Variants in MAML3 observed in about 807,000 individuals in gnomAD.
MAML3 encodes mastermind like transcriptional coactivator 3, also known as mastermind-like protein 3.
MAML3 carries 27 observed loss-of-function variants against 101.9 expected under a neutral mutation model. The ratio of observed to expected loss-of-function variants is 0.27; its 90% confidence interval spans 0.20 to 0.37. The LOEUF is 0.37. Among genes scored for constraint, MAML3 ranks in the 10% least tolerant of loss-of-function variants. The pLI is 1.00. For synonymous variants in MAML3, 501 were observed against 555.9 expected, an observed-to-expected ratio of 0.90 and a Z score of 1.39; for missense variants, 1,316 against 1,444.9, an observed-to-expected ratio of 0.91 and a Z score of 1.45.
chr4:140,131,966 T>C (rs1728801653), intron 1 of MAML3, among the ~76,000 whole-genome samples: 1 of 152,208 alleles, frequency 6.6e-6, no homozygotes, highest in Non-Finnish European at 1.5e-5. Context: ...TCCATATGCT[T>C]CTCCTAATAA....
At chr4:140,105,841 G>A (rs1436963712) in intron 1 of MAML3, among the ~76,000 whole-genome samples, 1 of 151,934 alleles carries the variant, frequency 6.6e-6, no homozygotes, top group Non-Finnish European at 1.5e-5. Context: ...ATCCTGGTGT[G>A]CAAATCACCT....
intron 2 of MAML3, among the ~76,000 whole-genome samples, chr4:139,878,481 C>T (rs1732156908): frequency 6.6e-6 from 1 of 152,142 alleles, no homozygotes; most frequent in Non-Finnish European, 1.5e-5. Context: ...TGAATATACA[C>T]AGGGAGGATA....
intron 1 of MAML3, among the ~76,000 whole-genome samples, chr4:140,031,308 G>A (rs1726903911): frequency 6.6e-6 from 1 of 152,066 alleles, no homozygotes; most frequent in Non-Finnish European, 1.5e-5. Flanking sequence ...TGGACCTTCG[G>A]CTCTCCTCCG....
chr4:139,962,356 C>G (rs971100892), intron 1 of MAML3, among the ~76,000 whole-genome samples: 13 of 152,092 alleles, frequency 8.5e-5, no homozygotes, highest in Non-Finnish European at 1.9e-4. Context: ...ATATTTGGTG[C>G]CTGCTGATAT....
At chr4:139,738,891 A>G (rs1227692998) in intron 2 of MAML3, among the ~76,000 whole-genome samples, 2 of 152,236 alleles carry the variant, frequency 1.3e-5, no homozygotes, top group Non-Finnish European at 2.9e-5. Context: ...TGGTATATAC[A>G]CAATTACACA....
intron 1 of MAML3, among the ~76,000 whole-genome samples, chr4:139,906,107 T>C (rs185629532): frequency 1.3e-5 from 2 of 152,318 alleles, no homozygotes; most frequent in East Asian, 3.9e-4. Flanking sequence ...CTCCTATTTT[T>C]ATTAATGTAT....
intron 1 of MAML3, among the ~76,000 whole-genome samples, chr4:140,108,340 C>T (rs1487328663): frequency 6.6e-6 from 1 of 151,844 alleles, no homozygotes; most frequent in African/African-American, 2.4e-5. Flanking sequence ...TCTATTATGG[C>T]ACTTAAGCTG....
chr4:139,804,167 T>C (rs770107306), intron 2 of MAML3, among the ~76,000 whole-genome samples: 12 of 152,136 alleles, frequency 7.9e-5, no homozygotes, highest in Admixed American at 2.6e-4. Flanking sequence ...CAGCTCTTTT[T>C]AGGGTCTTAA....
At chr4:139,894,192 G>A (rs1732559149) in intron 1 of MAML3, among the ~76,000 whole-genome samples, 1 of 152,136 alleles carries the variant, frequency 6.6e-6, no homozygotes, top group South Asian at 2.1e-4. Context: ...ACTGCTAGGT[G>A]CTTTTTCATA....
At chr4:139,960,652 C>T (rs896559097) in intron 1 of MAML3, among the ~76,000 whole-genome samples, 7 of 152,192 alleles carry the variant, frequency 4.6e-5, no homozygotes, top group Admixed American at 2.0e-4. Context: ...GAAAAATTAA[C>T]AGCAGGAACT....
At chr4:140,055,673 C>T (rs1375981223) in intron 1 of MAML3, among the ~76,000 whole-genome samples, 3 of 152,110 alleles carry the variant, frequency 2.0e-5, no homozygotes, top group African/African-American at 7.2e-5. Flanking sequence ...TACATGTAAA[C>T]ATGACTACAA....
intron 2 of MAML3, among the ~76,000 whole-genome samples, chr4:139,801,114 G>A (rs547137851): frequency 7.9e-4 from 121 of 152,276 alleles, no homozygotes; most frequent in Middle Eastern, 6.8e-3. Flanking sequence ...GCTCCCTATG[G>A]GATGTGCCAG....
chr4:139,841,527 G>A (rs1318195055), intron 2 of MAML3, among the ~76,000 whole-genome samples: 2 of 152,190 alleles, frequency 1.3e-5, no homozygotes, highest in Admixed American at 6.5e-5. Flanking sequence ...CTTCACTATC[G>A]GCGCTGACGC....
chr4:140,123,881 C>T lies in MAML3; in HGVS notation c.468+28979G>A, dbSNP rs553911616. ...GGAAAAACCCTACACCTTTGTAAGG[C>T]TTCTGAGGTGGTGCGAGGTGAGACC... On this transcript the variant is annotated intron_variant, in intron 1 of 4. Coordinates refer to ENST00000509479, the MANE Select transcript of MAML3 (RefSeq NM_018717.5). 2.0e-5 allele frequency among the ~76,000 whole-genome samples: 3 copies of T among 152,264 alleles called. No individual in the cohort carries two copies. The South Asian group carries it at 6.2e-4, about 32-fold the overall frequency.
chr4:140,069,384 AAGGAGGAGGAGGAGG>A (rs756106379), intron 1 of MAML3, among the ~76,000 whole-genome samples: 3 of 60,424 alleles, frequency 5.0e-5, no homozygotes, highest in African/African-American at 1.2e-4. Context: ...GAAGAAGAAG[AAGGAGGAGGAGGAGG>A]AGGAGGAGGA....
chr4:139,978,879 G>A (rs1015963627), intron 1 of MAML3, among the ~76,000 whole-genome samples: 5 of 152,096 alleles, frequency 3.3e-5, no homozygotes, highest in African/African-American at 1.2e-4. Context: ...TCCATTTCCA[G>A]ATGGCACTGA....
In MAML3 at chr4:140,150,620, C is replaced by T. The variant is rs72937718; in HGVS notation, c.468+2240G>A. 6.0e-3 allele frequency among the ~76,000 whole-genome samples: 915 copies of T among 152,278 alleles called. 16 individuals are homozygous for T. Among genetic ancestry groups the T allele is most frequent in the African/African-American group, 0.021 (878 of 41,538 alleles). ...GCCTCCCGAAAGGAGCCCATTTCTC[C>T]GCAATCCATGCGCGTGGGGTGTACA... On this transcript the variant is annotated intron_variant, in intron 1 of 4. Transcript: ENST00000509479.
chr4:140,071,251 C>T (rs1727647152), intron 1 of MAML3, among the ~76,000 whole-genome samples: 1 of 152,228 alleles, frequency 6.6e-6, no homozygotes. Context: ...CTCTCTTCCC[C>T]TCAGGAACAC....
chr4:139,868,055 G>A (rs1362092289), intron 2 of MAML3, among the ~76,000 whole-genome samples: 1 of 152,252 alleles, frequency 6.6e-6, no homozygotes, highest in African/African-American at 2.4e-5. Context: ...CTAGGGTTGT[G>A]TTAGGCACTG....
Sources: gnomAD v4.1 joint callset for allele counts (sites outside exome capture counted in the v4.1 genomes callset) on GRCh38, gnomAD v4.1.1 for gene constraint, MANE v1.5 for transcripts, NCBI Gene and HGNC (gene_info 2026-07-23, HGNC 2026-07-21) for gene names.